The following ACSBG2 variants were observed in gnomAD, a reference collection of about 807,000 sequenced individuals.
ACSBG2 encodes acyl-CoA synthetase bubblegum family member 2.
A neutral mutation model predicts 74.7 loss-of-function variants in ACSBG2; 62 were observed. The ratio of observed to expected loss-of-function variants is 0.83; its 90% CI spans 0.68 to 1.03. ACSBG2 has a LOEUF of 1.03. Ranked by LOEUF, ACSBG2 falls within the 50% of genes least tolerant of loss-of-function variation. ACSBG2 has a pLI of 0.00. For missense variants in ACSBG2, 730 were observed against 817.6 expected (o/e 0.89, Z 1.31); for synonymous variants, 309 against 294.1 (o/e 1.05, Z -0.52).
At chr19:6,187,927 G>A in intron 13 of ACSBG2, 82 bp downstream of exon 13, 4 of 1,558,410 alleles carry the variant, frequency 2.6e-6, no homozygotes, top group Non-Finnish European at 3.5e-6. Flanking sequence ...GTCCTTTTCT[G>A]AAGGTCAGAG....
intron 4 of ACSBG2, among the ~76,000 whole-genome samples, chr19:6,154,391 T>G (rs1045998939): frequency 1.3e-5 from 1 of 78,736 alleles, no homozygotes; most frequent in African/African-American, 4.3e-5. Flanking sequence ...AGAGCAAAAC[T>G]CCGTCTCAAA....
intron 5 of ACSBG2, among the ~76,000 whole-genome samples, chr19:6,159,736 A>AT (rs1190665974): frequency 7.9e-5 from 12 of 152,052 alleles, no homozygotes; most frequent in Non-Finnish European, 1.8e-4. Flanking sequence ...GAGTTAAATA[A>AT]ACTCCAAACT....
At chr19:6,177,147 G>A (rs950786832) in intron 7 of ACSBG2, 82 bp from the exon 8 acceptor site, 13 of 1,477,830 alleles carry the variant, frequency 8.8e-6, no homozygotes, top group Non-Finnish European at 1.2e-5. Flanking sequence ...GGTGAGCCCT[G>A]TCTGAAAAAT....
rs1457732218 is a variant in ACSBG2 at position 6,177,268 on chromosome 19, C to G, written c.778C>G (p.Leu260Val). The G allele has an allele frequency of 1.1e-5, 17 of 1,613,396 alleles. No individual in the cohort carries two copies. The Admixed American group carries it at 2.7e-4, about 25-fold the overall frequency. Reference protein sequence around the residue: ...IAGAVTKDFKLTDKHETVVSY... With the variant: ...IAGAVTKDFKVTDKHETVVSY... The stretch of plus-strand genomic sequence containing the variant: ...AGGAGCAGTGACAAAGGACTTTAAA[C>G]TGACAGACAAGCATGAGACGGTGGT... The change falls in exon 8 of 15, where the codon CTG becomes GTG. Residue 260 changes from leucine to valine, a missense_variant. By Grantham distance (32) the Leu-to-Val change is conservative. Transcript: ENST00000588485.
At chr19:6,149,132 G>A (rs535742305) in intron 3 of ACSBG2, among the ~76,000 whole-genome samples, 5 of 152,120 alleles carry the variant, frequency 3.3e-5, no homozygotes, top group Admixed American at 6.6e-5. Context: ...CTTGGAGACC[G>A]AAGTAGAAAC....
chr19:6,166,919 G>A (rs146267515), intron 7 of ACSBG2, among the ~76,000 whole-genome samples: 188 of 152,166 alleles, frequency 1.2e-3, no homozygotes, highest in African/African-American at 4.2e-3. Flanking sequence ...GATTACAGGC[G>A]TGAGCCACAG....
chr19:6,138,095 C>T (rs193279710), intron 1 of ACSBG2, among the ~76,000 whole-genome samples: 27 of 152,326 alleles, frequency 1.8e-4, no homozygotes, highest in Admixed American at 1.3e-3. Flanking sequence ...CCCCACTCCT[C>T]GTGGGTAGTT....
chr19:6,175,435 TAC>T (rs1381515369), intron 7 of ACSBG2: 2 of 152,216 alleles, frequency 1.3e-5, no homozygotes, highest in African/African-American at 4.8e-5. Context: ...ACATGGTACG[TAC>T]AGACTTAGGC....
At chr19:6,153,513 C>T (rs1042547140) in intron 4 of ACSBG2, among the ~76,000 whole-genome samples, 7 of 151,882 alleles carry the variant, frequency 4.6e-5, no homozygotes, top group South Asian at 2.1e-4. Flanking sequence ...ACAACAGCAA[C>T]GACAGCAGCA....
At chr19:6,144,723 C>A (rs1568217392) in intron 2 of ACSBG2, among the ~76,000 whole-genome samples, 1 of 151,356 alleles carries the variant, frequency 6.6e-6, no homozygotes. Flanking sequence ...GAGACAGAGT[C>A]TCACTCTGTC....
At chr19:6,189,031 T>A (rs1297626269) in intron 13 of ACSBG2, among the ~76,000 whole-genome samples, 1 of 152,164 alleles carries the variant, frequency 6.6e-6, no homozygotes, top group African/African-American at 2.4e-5. Flanking sequence ...TCTGGGGCAA[T>A]AGGCAAACAG....
Position 6,161,232 on chromosome 19 carries a change from A to G in ACSBG2, c.525A>G (p.Leu175=). 1 of 1,613,636 alleles carries G rather than the reference A, an allele frequency of 6.2e-7. No individual in the cohort carries two copies. Among genetic ancestry groups the G allele is most frequent in the East Asian group, 2.2e-5 (1 of 44,868 alleles). ...QKILSIPQSS[L]EPLKAIIQYR... ...TCTTTCAGATTCCACAGAGCAGCCT[A>G]GAGCCCCTAAAAGCGATCATCCAGT... is the stretch of plus-strand genomic sequence containing the variant. Residue 175 remains leucine (L), a synonymous_variant, in exon 6 of 15, where the codon CTA becomes CTG. Coordinates refer to ENST00000588485, the MANE Select transcript of ACSBG2 (RefSeq NM_030924.5).
In ACSBG2 at chr19:6,187,731, A is replaced by G. The variant is rs151029427; in HGVS notation, c.1813A>G (p.Lys605Glu). The part of the protein sequence containing the change: ...IVKQQDPLVY[K>E]AIQQGINAVN... The stretch of plus-strand genomic sequence containing the variant: ...GAAGCAGCAAGACCCCCTGGTCTAC[A>G]AGGCCATCCAGCAAGGCATCAATGC... Residue 605 changes from lysine to glutamate, a missense_variant, in exon 13 of 15, where the codon AAG (lysine) becomes GAG (glutamate). Transcript: ENST00000588485. 6.2e-6 allele frequency: 10 copies of G among 1,614,148 alleles called. No individual in the cohort carries two copies. In the African/African-American group the frequency reaches 1.2e-4, roughly 19 times the overall value.
chr19:6,187,921 T>C (rs925028381), intron 13 of ACSBG2, 76 bp downstream of exon 13: 2 of 1,562,474 alleles, frequency 1.3e-6, no homozygotes, highest in African/African-American at 1.4e-5. Flanking sequence ...AGACAGGTCC[T>C]TTTCTGAAGG....
chr19:6,166,800 A>G (rs2089823626), intron 7 of ACSBG2, among the ~76,000 whole-genome samples: 2 of 150,948 alleles, frequency 1.3e-5, no homozygotes, highest in Non-Finnish European at 2.9e-5. Flanking sequence ...ACCACATCCA[A>G]CTAATTTTTT....
Position 6,165,896 on chromosome 19 carries a change from ATCC to A in ACSBG2, c.620_622del (p.Ile207_Pro208delinsThr). ...TGATTTCATGGAACTTGGCAGAAGT[ATCC>A]CTGACACCCAACTGGAGCAGGTCAT... is the stretch of plus-strand genomic sequence containing the variant. On this transcript the variant is annotated inframe_deletion, in exon 7 of 15. Coordinates refer to ENST00000588485, the MANE Select transcript of ACSBG2 (RefSeq NM_030924.5). The A allele has an allele frequency of 6.2e-7, 1 of 1,614,174 alleles. No individual in the cohort carries two copies.
In ACSBG2 at chr19:6,159,122, T is replaced by C. The variant is rs142755280; in HGVS notation, c.508-2093T>C. On this transcript the variant is annotated intron_variant, in intron 5 of 14. Coordinates refer to ENST00000588485, the MANE Select transcript of ACSBG2 (RefSeq NM_030924.5). ...ACAGGTGCACACCACCACACCGGGC[T>C]AATTTTTGCATTTTTTGTCAAGACT... is the stretch of plus-strand genomic sequence containing the variant. Among the ~76,000 whole-genome samples the C allele has an allele frequency of 2.1e-3, 326 of 152,256 alleles. 3 individuals are homozygous for C. The highest frequency in any genetic ancestry group is 7.4e-3 in the African/African-American group (309 of 41,544).
rs2090048970 is a variant in ACSBG2 at position 6,174,734 on chromosome 19, G to C, written c.739-2495G>C. On this transcript the variant is annotated intron_variant, in intron 7 of 14. Coordinates refer to ENST00000588485, the MANE Select transcript of ACSBG2 (RefSeq NM_030924.5). The surrounding 1 kb of genome is among the most constrained non-coding windows in gnomAD (Gnocchi z 4.2). ...AGGCTGAAGTGAGACGATCCCTTGA[G>C]CCCAGGAGTTCGAGGCTGCAGTGAG... is the stretch of plus-strand genomic sequence containing the variant. Among the ~76,000 whole-genome samples, 1 of 152,154 alleles carries C rather than the reference G, an allele frequency of 6.6e-6. No individual in the cohort carries two copies. The highest frequency in any genetic ancestry group is 2.4e-5 in the African/African-American group (1 of 41,426).
intron 5 of ACSBG2, among the ~76,000 whole-genome samples, chr19:6,158,906 A>C (rs1473103759): frequency 6.6e-6 from 1 of 152,076 alleles, no homozygotes; most frequent in Non-Finnish European, 1.5e-5. Context: ...CCTCTGGCCT[A>C]GAGCTTTTAA....
Sources: gnomAD v4.1 joint callset for allele counts (sites outside exome capture counted in the v4.1 genomes callset) on GRCh38, gnomAD v4.1.1 for gene constraint, Gnocchi (gnomAD v3.1) non-coding constraint, MANE v1.5 for transcripts, NCBI Gene and HGNC (gene_info 2026-07-23, HGNC 2026-07-21) for gene names.